Variants in RPTOR observed in about 807,000 individuals in gnomAD.
The protein encoded by RPTOR is regulatory-associated protein of mTOR.
In RPTOR, 21 loss-of-function variants were observed where a neutral mutation model predicts 169.9. That is an observed-to-expected ratio of 0.12 (90% CI 0.09 to 0.18). RPTOR has a LOEUF of 0.18. Among genes scored for constraint, RPTOR ranks in the 10% least tolerant of loss-of-function variants. RPTOR has a pLI of 1.00. For synonymous variants in RPTOR, 732 were observed against 753.2 expected (o/e 0.97, Z 0.46); for missense variants, 1,133 against 1,855.9 (o/e 0.61, Z 7.16).
chr17:80,668,265 C>T (rs1425636136), intron 3 of RPTOR, among the ~76,000 whole-genome samples: 1 of 152,170 alleles, frequency 6.6e-6, no homozygotes, highest in Non-Finnish European at 1.5e-5. Context: ...TGATAATCTC[C>T]AAGTTTCTTC....
chr17:80,754,721 A>C lies in RPTOR; in HGVS notation c.830+536A>C, dbSNP rs2291360. ...GCCGCATTTCAGCCCCAACATCCCC[A>C]GCAGAACGCACAGTGGGATATGTGT... On this transcript the variant is annotated intron_variant, in intron 6 of 33. Coordinates refer to ENST00000306801, the MANE Select transcript of RPTOR (RefSeq NM_020761.3). The surrounding 1 kb of genome is among the most constrained non-coding windows in gnomAD (Gnocchi z 4.2). Among the ~76,000 whole-genome samples the C allele has an allele frequency of 7.9e-5, 12 of 151,982 alleles. No homozygotes were observed. The highest frequency in any genetic ancestry group is 1.5e-4 in the Non-Finnish European group (10 of 67,988).
intron 23 of RPTOR, 69 bp from the exon 24 acceptor site, chr17:80,925,301 T>G: frequency 1.7e-4 from 237 of 1,368,260 alleles, no homozygotes; most frequent in Non-Finnish European, 2.3e-4. Context: ...GCAGCTCTTT[T>G]GAGCTCAGGA....
intron 6 of RPTOR, among the ~76,000 whole-genome samples, chr17:80,788,712 GA>G (rs2067018066): frequency 6.6e-6 from 1 of 152,150 alleles, no homozygotes; most frequent in South Asian, 2.1e-4. Flanking sequence ...AGACCTCACA[GA>G]ATGTGACGAT....
At chr17:80,946,520 T>G (rs879423072) in intron 26 of RPTOR, among the ~76,000 whole-genome samples, 1 of 152,224 alleles carries the variant, frequency 6.6e-6, no homozygotes, top group African/African-American at 2.4e-5. Flanking sequence ...GTGTTTCACT[T>G]TCTGTCTCTC....
intron 6 of RPTOR, among the ~76,000 whole-genome samples, chr17:80,788,924 G>A (rs1011953703): frequency 2.6e-5 from 4 of 152,194 alleles, no homozygotes; most frequent in Non-Finnish European, 5.9e-5. Context: ...CGTATAAAAT[G>A]TGAAACCAGT....
chr17:80,885,886 A>C (rs2068240391), intron 17 of RPTOR, among the ~76,000 whole-genome samples: 1 of 152,244 alleles, frequency 6.6e-6, no homozygotes, highest in Admixed American at 6.5e-5. Flanking sequence ...GTTTAGATGT[A>C]GAAATATCAC....
chr17:80,951,621 C>G (rs1320778310), intron 28 of RPTOR, among the ~76,000 whole-genome samples: 1 of 152,254 alleles, frequency 6.6e-6, no homozygotes, highest in Non-Finnish European at 1.5e-5. Flanking sequence ...GGGTGTGTCA[C>G]TGCTGCTGCG....
intron 1 of RPTOR, among the ~76,000 whole-genome samples, chr17:80,557,102 C>T (rs2084419457): frequency 6.6e-6 from 1 of 150,814 alleles, no homozygotes; most frequent in South Asian, 2.1e-4. Flanking sequence ...TCTCATTGTT[C>T]CATTCTGAAG....
Position 80,730,009 on chromosome 17 carries a change from G to A in RPTOR, c.508-551G>A, listed in dbSNP as rs761006216. On this transcript the variant is annotated intron_variant, in intron 4 of 33. Coordinates refer to ENST00000306801, the MANE Select transcript of RPTOR (RefSeq NM_020761.3). The surrounding 1 kb of genome is among the most constrained non-coding windows in gnomAD (Gnocchi z 4.2). ...AGCAGCTGAACCCAGCGGCAGCTGC[G>A]GAGGAGCCTGGGGCTAGGGATGATG... Among the ~76,000 whole-genome samples the A allele has an allele frequency of 3.7e-4, 56 of 152,218 alleles. No individual in the cohort carries two copies. The highest frequency in any genetic ancestry group is 6.3e-4 in the Non-Finnish European group (43 of 68,040).
chr17:80,576,282 A>C (rs2064962760), intron 1 of RPTOR, among the ~76,000 whole-genome samples: 1 of 152,166 alleles, frequency 6.6e-6, no homozygotes, highest in Admixed American at 6.6e-5. Context: ...TTATAGATTG[A>C]AAATATTTAA....
chr17:80,554,742 T>A (rs1599544093), intron 1 of RPTOR, among the ~76,000 whole-genome samples: 1 of 143,862 alleles, frequency 7.0e-6, no homozygotes, highest in South Asian at 2.3e-4. Context: ...AGACTCTGTC[T>A]CAAAACAAAA....
intron 7 of RPTOR, among the ~76,000 whole-genome samples, chr17:80,816,906 G>C (rs748263871): frequency 1.3e-5 from 2 of 152,238 alleles, no homozygotes; most frequent in Non-Finnish European, 2.9e-5. Flanking sequence ...GCCCATCCCT[G>C]GTCCTCCCAT....
intron 4 of RPTOR, among the ~76,000 whole-genome samples, chr17:80,725,867 A>G (rs2066328307): frequency 6.6e-6 from 1 of 152,214 alleles, no homozygotes. Context: ...TGTAATGTAT[A>G]CAGCTCATGT....
intron 3 of RPTOR, among the ~76,000 whole-genome samples, chr17:80,678,678 C>T (rs571196115): frequency 1.3e-5 from 2 of 152,224 alleles, no homozygotes; most frequent in African/African-American, 2.4e-5. Context: ...CACCCATTCA[C>T]GTTTTCTAAC....
At chr17:80,551,112 C>T (rs974316598) in intron 1 of RPTOR, among the ~76,000 whole-genome samples, 9 of 152,124 alleles carry the variant, frequency 5.9e-5, no homozygotes, top group Admixed American at 5.9e-4. Context: ...TGGTCTTGAA[C>T]TCCTGAGCTC....
At chr17:80,756,952 A>G (rs1401061072) in intron 6 of RPTOR, among the ~76,000 whole-genome samples, 1 of 152,216 alleles carries the variant, frequency 6.6e-6, no homozygotes, top group Non-Finnish European at 1.5e-5. Flanking sequence ...AACAAAGCAG[A>G]AATAGGGGTA....
rs1348484022 is a variant in RPTOR, at chr17:80,964,531, G to A, written c.*201G>A. On this transcript the variant is annotated 3_prime_UTR_variant, in exon 34 of 34. Coordinates refer to ENST00000306801, the MANE Select transcript of RPTOR (RefSeq NM_020761.3). ...GTGTCTGGAATGTCAGGGAAGGGGA[G>A]GGCTCGGGTTGACGGTGGCTTCCCA... 6.6e-6 allele frequency: 4 copies of A among 607,238 alleles called. No homozygotes were observed. Among genetic ancestry groups the A allele is most frequent in the African/African-American group, 3.7e-5 (2 of 54,156 alleles). The allele number at this position is 607,238 out of a possible 1,614,324, so 37.6% of individuals were successfully genotyped here.
At chr17:80,723,771 T>C (rs2066306781) in intron 4 of RPTOR, among the ~76,000 whole-genome samples, 1 of 151,458 alleles carries the variant, frequency 6.6e-6, no homozygotes. Flanking sequence ...TGCGTATCTA[T>C]GTACAGGTGT....
rs761527544 is a variant in RPTOR at position 80,695,421 on chromosome 17, C to T, written c.349-12420C>T. Among the ~76,000 whole-genome samples the T allele has an allele frequency of 1.9e-4, 29 of 152,196 alleles. No individual in the cohort carries two copies. The highest frequency in any genetic ancestry group is 3.8e-4 in the Non-Finnish European group (26 of 68,034). On this transcript the variant is annotated intron_variant, in intron 3 of 33. Transcript: ENST00000306801. The surrounding 1 kb of genome is among the most constrained non-coding windows in gnomAD (Gnocchi z 4.9). ...TGGGGCTGAGACTTAAGTTTCCCAT[C>T]TCTGGGCGGGACCTGTGCTCTCTCC...
Sources: gnomAD v4.1 joint callset for allele counts (sites outside exome capture counted in the v4.1 genomes callset) on GRCh38, gnomAD v4.1.1 for gene constraint, Gnocchi (gnomAD v3.1) non-coding constraint, MANE v1.5 for transcripts, NCBI Gene and HGNC (gene_info 2026-07-23, HGNC 2026-07-21) for gene names.